DNAH5: variants seen among roughly 807,000 people sequenced by gnomAD.
DNAH5 encodes axonemal beta dynein heavy chain 5.
A neutral mutation model predicts 518.2 loss-of-function variants in DNAH5; 372 were observed. That is an observed-to-expected ratio of 0.72 (90% CI 0.66 to 0.78). DNAH5 has a LOEUF of 0.78. Among genes scored for constraint, DNAH5 ranks in the 30% least tolerant of loss-of-function variants. The probability of loss-of-function intolerance (pLI) is 0.00; values close to 1 mark genes in which losing one functional copy is unlikely to be tolerated. For synonymous variants in DNAH5, 2,039 were observed against 2,025.9 expected, an observed-to-expected ratio of 1.01 and a Z score of -0.17; for missense variants, 5,523 against 5,687.0, an observed-to-expected ratio of 0.97 and a Z score of 0.93.
intron 47 of DNAH5, among the ~76,000 whole-genome samples, chr5:13,795,477 A>G (rs2126923386): frequency 6.6e-6 from 1 of 152,338 alleles, no homozygotes; most frequent in East Asian, 1.9e-4. Context: ...CTGGACACAT[A>G]CACCCTCCCA....
chr5:13,963,890 C>T lies in DNAH5; in HGVS notation c.13-32646G>A, dbSNP rs537665618. Among the ~76,000 whole-genome samples, 12 of 152,138 alleles carry T rather than the reference C, an allele frequency of 7.9e-5. No individual in the cohort carries two copies. The South Asian group carries it at 2.5e-3, about 32-fold the overall frequency. ...TTTTTTGTAGAGACGTGATCTCTAT[C>T]CTCCTATCCTCAAGTAATCCTGCCA... On this transcript the variant is annotated intron_variant, in intron 1 of 78. Coordinates refer to the DNAH5 transcript ENST00000681290.
intron 72 of DNAH5, 42 bp downstream of exon 72, chr5:13,718,836 TTAAG>T: frequency 6.7e-7 from 1 of 1,500,922 alleles, no homozygotes; most frequent in Non-Finnish European, 9.3e-7. Flanking sequence ...GGAAAACAAT[TTAAG>T]TAAGGAAACT....
chr5:13,842,445 A>AGAGAGAGAGAGAGAGAGAGAGAG (rs1561407436), intron 32 of DNAH5, among the ~76,000 whole-genome samples: 1 of 97,804 alleles, frequency 1.0e-5, no homozygotes, highest in African/African-American at 4.7e-5. Context: ...GAAAGAAAGA[A>AGAGAGAGAGAGAGAGAGAGAGAG]AGAAAGAAAG....
At chr5:14,004,082 G>A (rs1784551877) in intron 1 of DNAH5, among the ~76,000 whole-genome samples, 1 of 152,220 alleles carries the variant, frequency 6.6e-6, no homozygotes, top group Non-Finnish European at 1.5e-5. Context: ...ATGACATCAA[G>A]AACAAGCTCC....
rs537063224 is a variant in DNAH5, at chr5:13,816,802, C to A, written c.6988+746G>T. 3.3e-5 allele frequency among the ~76,000 whole-genome samples: 5 copies of A among 152,260 alleles called. No homozygotes were observed. The South Asian group carries it at 8.3e-4, about 25-fold the overall frequency. ...CTACTTTAAACATTTTTCAGAAGGA[C>A]ACTGTTGCCCAAAGGGTAAACCCAG... On this transcript the variant is annotated intron_variant, in intron 42 of 78. Transcript: ENST00000265104.
At chr5:13,734,143 C>A (rs1199415839) in intron 68 of DNAH5, among the ~76,000 whole-genome samples, 1 of 152,074 alleles carries the variant, frequency 6.6e-6, no homozygotes, top group Admixed American at 6.5e-5. Flanking sequence ...TTATAATAGT[C>A]ACTAGAGAGC....
chr5:13,701,464 T>A (rs764668881), intron 76 of DNAH5, 28 bp from the exon 77 acceptor site: 1 of 1,591,370 alleles, frequency 6.3e-7, no homozygotes, highest in African/African-American at 1.3e-5. Context: ...AAACAATTAA[T>A]TGATGTAAGT....
rs375570738 is a variant in DNAH5, at chr5:13,929,705, T to A, written c.192+1405A>T. Among the ~76,000 whole-genome samples the A allele has an allele frequency of 7.2e-5, 11 of 152,308 alleles. No individual in the cohort carries two copies. In the East Asian group the frequency reaches 1.7e-3, roughly 24 times the overall value. ...TTGAAGCTCCTATCCCTCCCCTCTG[T>A]GCTTGAGAGCCTGAGCCAGATGCTT... On this transcript the variant is annotated intron_variant, in intron 2 of 78. Coordinates refer to ENST00000265104, the MANE Select transcript of DNAH5 (RefSeq NM_001369.3).
At chr5:13,975,575 T>C (rs993071356) in intron 1 of DNAH5, among the ~76,000 whole-genome samples, 5 of 152,182 alleles carry the variant, frequency 3.3e-5, no homozygotes, top group African/African-American at 1.2e-4. Context: ...CAGGGTTTAC[T>C]TACCATATGG....
intron 2 of DNAH5, 68 bp from the exon 3 acceptor site, chr5:13,928,246 T>A: frequency 8.1e-7 from 1 of 1,232,656 alleles, no homozygotes; most frequent in Non-Finnish European, 1.2e-6. Flanking sequence ...AAATCAGCAT[T>A]AATAATATAA....
rs756780275 is a variant in DNAH5, at chr5:13,883,035, T to C, written c.3043A>G (p.Thr1015Ala). 1.1e-5 allele frequency: 18 copies of C among 1,614,050 alleles called. No individual in the cohort carries two copies. The Middle Eastern group carries it at 4.9e-4, about 44-fold the overall frequency. The stretch of plus-strand genomic sequence containing the variant: ...ATGACGATGTTGGGAATGGCCAGAG[T>C]GACGCTTGCCCGGAAAATGGGCAAA... The part of the protein sequence containing the change: ...NSLPIFRASV[T>A]LAIPNIVMAP... Residue 1015 changes from threonine (T) to alanine (A), a missense_variant, in exon 20 of 79, where the codon ACT (threonine) becomes GCT (alanine). Physicochemically the swap from Thr to Ala is moderately conservative, Grantham distance 58 (BLOSUM62 0). Transcript: ENST00000265104.
chr5:13,749,811 A>G (rs1442587404), intron 65 of DNAH5, among the ~76,000 whole-genome samples: 3 of 152,172 alleles, frequency 2.0e-5, no homozygotes, highest in Non-Finnish European at 2.9e-5. Context: ...AAGTAATTAC[A>G]TGACAATGCT....
chr5:13,731,170 A>G (rs1746493413), intron 68 of DNAH5, among the ~76,000 whole-genome samples: 1 of 152,208 alleles, frequency 6.6e-6, no homozygotes, highest in African/African-American at 2.4e-5. Flanking sequence ...TTTTTGCCAA[A>G]TCCATCAAAA....
At chr5:13,783,663 C>T (rs1383281690) in intron 52 of DNAH5, among the ~76,000 whole-genome samples, 1 of 152,142 alleles carries the variant, frequency 6.6e-6, no homozygotes, top group Admixed American at 6.5e-5. Context: ...AAAGAGGTAT[C>T]ACACAGATAC....
In DNAH5 at chr5:13,775,586, A is replaced by AC. The variant is rs1043130502; in HGVS notation, c.9373+852dup. ...TTCAGTCTCAGTACTGATCCCACTA[A>AC]CTTTTTCCACCTATGGCAACCCTCA... On this transcript the variant is annotated intron_variant, in intron 55 of 78. Transcript: ENST00000265104. Among the ~76,000 whole-genome samples, 27 of 152,224 alleles carry AC rather than the reference A, an allele frequency of 1.8e-4. 1 individual carries two copies. The highest frequency in any genetic ancestry group is 1.3e-3 in the Admixed American group (20 of 15,276).
intron 66 of DNAH5, 77 bp downstream of exon 66, chr5:13,737,175 A>G: frequency 1.3e-6 from 2 of 1,590,760 alleles, no homozygotes; most frequent in Non-Finnish European, 1.7e-6. Context: ...ACTCCCTCAC[A>G]TCCTTCCATT....
In DNAH5 at chr5:13,876,884, G is replaced by T. The variant is rs928273307; in HGVS notation, c.3263-67C>A. On this transcript the variant is annotated intron_variant, in intron 21 of 78. Coordinates refer to ENST00000265104, the MANE Select transcript of DNAH5 (RefSeq NM_001369.3). ...CAAGAATGTACTTTCAGGAGATGAG[G>T]ATATTTCTGTGATAGTAAAGCAAGG... The T allele has an allele frequency of 2.0e-6, 3 of 1,509,252 alleles. No individual in the cohort carries two copies. In the African/African-American group the frequency reaches 4.2e-5, roughly 21 times the overall value. 93.5% of individuals were successfully genotyped at this position (1,509,252 alleles called of 1,614,324 possible).
intron 78 of DNAH5, among the ~76,000 whole-genome samples, chr5:13,695,435 G>A (rs1188575528): frequency 6.6e-6 from 1 of 152,124 alleles, no homozygotes; most frequent in African/African-American, 2.4e-5. Context: ...ATATTCAAGG[G>A]AGCTGTCCTC....
chr5:13,777,215 A>T lies in DNAH5; in HGVS notation c.9092T>A (p.Leu3031Ter). The change falls in exon 54 of 79, where the codon TTA becomes TAA. Residue 3031 changes from leucine to a stop codon, truncating the protein, a stop_gained. Coordinates refer to ENST00000265104, the MANE Select transcript of DNAH5 (RefSeq NM_001369.3). LOFTEE classifies it high-confidence loss of function. ...ESFLEYMNNV[L>*]SSGEVSNLFA... ...ATGAGCTCCTACCTCACCTGATGAT[A>T]AAACATTGTTCATATATTCCAAAAA... The T allele has an allele frequency of 6.2e-7, 1 of 1,612,718 alleles. No homozygotes were observed. Among genetic ancestry groups the T allele is most frequent in the Non-Finnish European group, 8.5e-7 (1 of 1,179,192 alleles).
Sources: allele counts gnomAD v4.1 joint callset (sites outside exome capture counted in the v4.1 genomes callset), GRCh38; gene constraint gnomAD v4.1.1; transcripts MANE v1.5; gene names NCBI Gene and HGNC (gene_info 2026-07-23, HGNC 2026-07-21).